Variants in CHID1 observed in about 807,000 individuals in gnomAD.
CHID1 encodes the protein chitinase domain-containing protein 1.
CHID1 carries 44 observed loss-of-function variants against 55.4 expected under a neutral mutation model. The observed-to-expected ratio is 0.79, with a 90% CI of 0.62 to 1.02. The LOEUF is 1.02. CHID1 is among the 50% of genes least tolerant of loss of function. The pLI is 0.00. For synonymous variants in CHID1, 216 were observed against 212.9 expected (o/e 1.01, Z -0.13); for missense variants, 491 against 515.3 (o/e 0.95, Z 0.46).
chr11:878,836 GC>G (rs1849694418), intron 10 of CHID1, among the ~76,000 whole-genome samples: 1 of 151,096 alleles, frequency 6.6e-6, no homozygotes. Flanking sequence ...CGAGTAGCCC[GC>G]CACCACACCC....
chr11:905,625 A>T (rs529832065), intron 1 of CHID1, among the ~76,000 whole-genome samples: 1 of 151,940 alleles, frequency 6.6e-6, no homozygotes, highest in African/African-American at 2.4e-5. Context: ...AGCCAAGATC[A>T]TGCCACTGCA....
At chr11:897,358 G>A (rs1446256391) in intron 7 of CHID1, among the ~76,000 whole-genome samples, 1 of 152,230 alleles carries the variant, frequency 6.6e-6, no homozygotes. Context: ...CTAATGCTCT[G>A]AAACGGAAAT....
At position 900,956 on chromosome 11, in the gene CHID1, T is replaced by A. The variant is rs1851766766; in HGVS notation, c.419A>T (p.His140Leu). 1 of 1,602,896 alleles carries A rather than the reference T, an allele frequency of 6.2e-7. No homozygotes were observed. The highest frequency in any genetic ancestry group is 8.5e-7 in the Non-Finnish European group (1 of 1,175,432). The change falls in exon 5 of 13, where the codon CAT becomes CTT. Residue 140 changes from histidine (H) to leucine (L), a missense_variant. Coordinates refer to ENST00000323578, the MANE Select transcript of CHID1 (RefSeq NM_023947.4). Reference sequence around the variant, plus strand: ...CTTACCTATGTGCAGGCCCTTGGCATGCTTCCTGACAGCTCGCATCCACCC... The same window carrying A: ...CTTACCTATGTGCAGGCCCTTGGCAAGCTTCCTGACAGCTCGCATCCACCC... ...DQGWMRAVRKHAKGLHIVPRL... is the reference protein window; with the variant it reads ...DQGWMRAVRKLAKGLHIVPRL...
chr11:888,405 C>A (rs963785742), intron 8 of CHID1, among the ~76,000 whole-genome samples: 14 of 152,192 alleles, frequency 9.2e-5, no homozygotes, highest in African/African-American at 3.4e-4. Context: ...TGCAAAAGGG[C>A]CACTGCCAGG....
intron 4 of CHID1, among the ~76,000 whole-genome samples, chr11:901,403 C>A (rs1012287097): frequency 1.9e-4 from 29 of 152,226 alleles, no homozygotes; most frequent in African/African-American, 7.0e-4. Context: ...TCAGGGAAAA[C>A]CACTCCTGCT....
intron 1 of CHID1, among the ~76,000 whole-genome samples, chr11:906,420 G>C (rs1368649280): frequency 6.6e-6 from 1 of 152,054 alleles, no homozygotes; most frequent in Admixed American, 6.5e-5. Context: ...TGTATTTTTA[G>C]TAGAAATGGG....
chr11:914,962 CCTGGGCCACTATTG>C (rs1356692473), upstream of CHID1: 1 of 201,722 alleles, frequency 5.0e-6, no homozygotes, highest in Non-Finnish European at 1.0e-5. Flanking sequence ...AAGGGCAGGA[CCTGGGCCACTATTG>C]CTGACCACGT....
intron 8 of CHID1, among the ~76,000 whole-genome samples, chr11:884,407 T>C (rs899337749): frequency 6.6e-6 from 1 of 152,088 alleles, no homozygotes; most frequent in African/African-American, 2.4e-5. Flanking sequence ...AGGGTACAGC[T>C]GAGAATGACA....
chr11:889,980 C>G (rs1449709984), intron 8 of CHID1, among the ~76,000 whole-genome samples: 5 of 152,186 alleles, frequency 3.3e-5, no homozygotes, highest in Non-Finnish European at 7.4e-5. Context: ...GGCATCCTCG[C>G]CCCCTCACGA....
chr11:879,836 A>G (rs1007883141), intron 10 of CHID1, among the ~76,000 whole-genome samples: 1 of 152,200 alleles, frequency 6.6e-6, no homozygotes, highest in African/African-American at 2.4e-5. Context: ...TGCACAGGGG[A>G]TCCTGGGCTG....
Position 899,405 on chromosome 11 carries a change from AAAG to A in CHID1, c.547-7_547-5del. Reference sequence around the variant, plus strand: ...CGAAGCCATCGAAATGCTGGTTCTGAAAGAAGCAGTCACAGGTGAGGAGGGCCT... The same window carrying A: ...CGAAGCCATCGAAATGCTGGTTCTGAAAGCAGTCACAGGTGAGGAGGGCCT... On this transcript the variant is annotated splice_polypyrimidine_tract_variant and splice_region_variant and intron_variant, in intron 6 of 12. Transcript: ENST00000323578. 1 of 1,599,218 alleles carries A rather than the reference AAAG, an allele frequency of 6.3e-7. No individual in the cohort carries two copies.
At chr11:914,909 ACT>A (rs529340302), upstream of CHID1, 89 of 294,914 alleles carry the variant, frequency 3.0e-4, 1 homozygote, top group Middle Eastern at 1.2e-3. Context: ...CAGCCTCGTG[ACT>A]CTGTCCTGTT....
At chr11:874,896 G>C (rs753847163) in intron 10 of CHID1, 1 of 152,312 alleles carries the variant, frequency 6.6e-6, no homozygotes, top group Admixed American at 6.5e-5. Flanking sequence ...ACACAGCCTG[G>C]TGGTGCACAG....
intron 10 of CHID1, 82 bp downstream of exon 10, chr11:883,066 C>T (rs1447692242): frequency 1.7e-5 from 24 of 1,430,142 alleles, no homozygotes; most frequent in Non-Finnish European, 2.0e-5. Context: ...CCGAGACCCT[C>T]CCCATCACTC....
intron 10 of CHID1, 109 bp downstream of exon 10, chr11:883,039 G>T: frequency 8.1e-7 from 1 of 1,234,472 alleles, no homozygotes; most frequent in Non-Finnish European, 1.1e-6. Context: ...ACTCTGTGGG[G>T]CAGAAGCCCC....
chr11:889,945 C>T (rs866181014), intron 8 of CHID1, among the ~76,000 whole-genome samples: 2 of 152,168 alleles, frequency 1.3e-5, no homozygotes, highest in African/African-American at 4.8e-5. Context: ...GGCCTTGGGT[C>T]GCCTGGCCCC....
chr11:902,956 A>G lies in CHID1; in HGVS notation c.261+6T>C, dbSNP rs774434948. 1.1e-5 allele frequency: 17 copies of G among 1,612,846 alleles called. No homozygotes were observed. The highest frequency in any genetic ancestry group is 1.4e-5 in the Non-Finnish European group (17 of 1,179,066). ...CTCCCTCTGCACTGTGAGGGCCCCA[A>G]CTTACTGGAGTGACATAGCCCAGTA... is the stretch of plus-strand genomic sequence containing the variant. On this transcript the variant is annotated splice_donor_region_variant and intron_variant, in intron 3 of 12. Transcript: ENST00000323578.
chr11:902,103 G>A, intron 4 of CHID1, 95 bp downstream of exon 4: 1 of 1,460,862 alleles, frequency 6.8e-7, no homozygotes, highest in African/African-American at 1.4e-5. Context: ...GACACCCACA[G>A]AGACATACCT....
At chr11:910,874 A>C, upstream of CHID1, 1 of 1,064,868 alleles carries the variant, frequency 9.4e-7, no homozygotes, top group Non-Finnish European at 1.1e-6. Context: ...GCCGCCGCGC[A>C]CGGCACGCTG....
Sources: gnomAD v4.1 joint callset for allele counts (sites outside exome capture counted in the v4.1 genomes callset) on GRCh38, gnomAD v4.1.1 for gene constraint, MANE v1.5 for transcripts, NCBI Gene and HGNC (gene_info 2026-07-23, HGNC 2026-07-21) for gene names.